The following LRRC4C variants were observed in gnomAD, a reference collection of about 807,000 sequenced individuals.
LRRC4C encodes leucine rich repeat containing 4C, also known as leucine-rich repeat-containing protein 4C.
Under a neutral mutation model 33.6 loss-of-function variants are expected in LRRC4C, and 5 were observed. That is an observed-to-expected ratio of 0.15 (90% CI 0.08 to 0.31). The LOEUF is 0.31. Among genes scored for constraint, LRRC4C ranks in the 10% least tolerant of loss-of-function variants. The pLI, the probability that LRRC4C is intolerant of heterozygous loss-of-function variation, is 1.00. For synonymous variants in LRRC4C, 329 were observed against 302.0 expected, an observed-to-expected ratio of 1.09 and a Z score of -0.93; for missense variants, 560 against 796.7, an observed-to-expected ratio of 0.70 and a Z score of 3.58.
At chr11:40,612,881 T>C (rs1181329451) in intron 3 of LRRC4C, among the ~76,000 whole-genome samples, 1 of 151,960 alleles carries the variant, frequency 6.6e-6, no homozygotes, top group Admixed American at 6.6e-5. Flanking sequence ...AATTTTGTTT[T>C]GGTTTCTCAG....
chr11:40,897,208 G>A (rs1955986688), intron 2 of LRRC4C, among the ~76,000 whole-genome samples: 1 of 151,934 alleles, frequency 6.6e-6, no homozygotes, highest in African/African-American at 2.4e-5. Context: ...AGAATACTCA[G>A]TATCCTTAGA....
chr11:41,232,253 C>T (rs1192842608), intron 1 of LRRC4C, among the ~76,000 whole-genome samples: 2 of 152,050 alleles, frequency 1.3e-5, no homozygotes, highest in Non-Finnish European at 2.9e-5. Flanking sequence ...GTCTAACACT[C>T]TGAGACTATG....
At chr11:40,440,849 C>T (rs1472541746) in intron 3 of LRRC4C, among the ~76,000 whole-genome samples, 1 of 133,870 alleles carries the variant, frequency 7.5e-6, no homozygotes, top group Non-Finnish European at 1.6e-5. Flanking sequence ...CAGCTGCAAT[C>T]TCTTAGCCAG....
At chr11:40,165,770 A>C (rs1859538558) in intron 5 of LRRC4C, among the ~76,000 whole-genome samples, 2 of 152,126 alleles carry the variant, frequency 1.3e-5, no homozygotes, top group African/African-American at 4.8e-5. Context: ...ACATGGAGGA[A>C]CCCTGTCTCT....
intron 1 of LRRC4C, among the ~76,000 whole-genome samples, chr11:41,407,292 G>T (rs1197739320): frequency 6.7e-6 from 1 of 149,138 alleles, no homozygotes. Flanking sequence ...GATTAACATT[G>T]AATTTTTCCT....
At chr11:40,266,620 C>G (rs1016259935) in intron 4 of LRRC4C, among the ~76,000 whole-genome samples, 6 of 152,058 alleles carry the variant, frequency 3.9e-5, no homozygotes, top group South Asian at 2.1e-4. Flanking sequence ...ACTTAAAGCA[C>G]TGCTTTAAGT....
intron 1 of LRRC4C, among the ~76,000 whole-genome samples, chr11:40,955,901 T>A (rs944413801): frequency 2.0e-5 from 3 of 151,820 alleles, no homozygotes; most frequent in Admixed American, 2.0e-4. Context: ...ACAAATTGCT[T>A]TGTTCAGTGA....
rs1447426841 is a variant in LRRC4C, at chr11:40,433,463, C to T, written c.-269-113742G>A. Reference sequence around the variant, plus strand: ...AATGGAAGTGCCAAGGAGAGTATTTCAGAGCCTGTAGTTCATAAATCTTAA... The same window carrying T: ...AATGGAAGTGCCAAGGAGAGTATTTTAGAGCCTGTAGTTCATAAATCTTAA... On this transcript the variant is annotated intron_variant, in intron 3 of 6. Transcript: ENST00000528697. Among the ~76,000 whole-genome samples, 4 of 151,898 alleles carry T rather than the reference C, an allele frequency of 2.6e-5. No individual in the cohort carries two copies. The East Asian group carries it at 5.8e-4, about 22-fold the overall frequency.
chr11:41,155,015 C>T (rs1289822410), intron 1 of LRRC4C, among the ~76,000 whole-genome samples: 2 of 152,064 alleles, frequency 1.3e-5, no homozygotes, highest in African/African-American at 4.8e-5. Flanking sequence ...GAGGTGGCAA[C>T]AATTATTTAA....
chr11:40,893,305 A>C (rs776494966), intron 2 of LRRC4C, among the ~76,000 whole-genome samples: 4 of 152,132 alleles, frequency 2.6e-5, no homozygotes, highest in Admixed American at 2.6e-4. Flanking sequence ...AATACCATCT[A>C]GTATTTCATA....
intron 1 of LRRC4C, among the ~76,000 whole-genome samples, chr11:41,175,051 A>T (rs1233827026): frequency 6.6e-6 from 1 of 151,986 alleles, no homozygotes; most frequent in Admixed American, 6.6e-5. Context: ...GGTTCTGCTG[A>T]TCAAATACAT....
chr11:41,170,958 C>T (rs1332171449), intron 1 of LRRC4C, among the ~76,000 whole-genome samples: 5 of 152,074 alleles, frequency 3.3e-5, no homozygotes, highest in Non-Finnish European at 5.9e-5. Flanking sequence ...TGAACAGACA[C>T]TTCTCAAAAG....
intron 2 of LRRC4C, among the ~76,000 whole-genome samples, chr11:40,926,571 A>G (rs940418370): frequency 2.6e-5 from 4 of 152,214 alleles, no homozygotes; most frequent in African/African-American, 7.2e-5. Flanking sequence ...CTAATATTTT[A>G]ATTTGGTAAA....
At chr11:40,996,361 TA>T (rs5791411) in intron 1 of LRRC4C, among the ~76,000 whole-genome samples, 3,242 of 151,774 alleles carry the variant, frequency 0.021, 132 homozygotes, top group African/African-American at 0.075. Context: ...TTCACTGCCT[TA>T]AAAAAAATAA....
chr11:40,975,949 A>C (rs1460681371), intron 1 of LRRC4C, among the ~76,000 whole-genome samples: 1 of 152,212 alleles, frequency 6.6e-6, no homozygotes, highest in African/African-American at 2.4e-5. Flanking sequence ...GTGTCTCATC[A>C]GGCATAGCCT....
chr11:41,073,095 C>G (rs1938832226), intron 1 of LRRC4C, among the ~76,000 whole-genome samples: 1 of 152,068 alleles, frequency 6.6e-6, no homozygotes, highest in African/African-American at 2.4e-5. Context: ...GCAGAAATAC[C>G]TTTAACTTGC....
At chr11:40,966,282 A>G (rs1401377179) in intron 1 of LRRC4C, among the ~76,000 whole-genome samples, 2 of 152,004 alleles carry the variant, frequency 1.3e-5, no homozygotes, top group East Asian at 1.9e-4. Context: ...AAAAATAAGT[A>G]GAAAGTCATT....
At chr11:40,929,766 T>A (rs1489942497) in intron 2 of LRRC4C, among the ~76,000 whole-genome samples, 2 of 152,122 alleles carry the variant, frequency 1.3e-5, no homozygotes, top group Non-Finnish European at 2.9e-5. Flanking sequence ...AATTCTTAAA[T>A]GTAATTCAGT....
At chr11:40,300,508 C>T (rs1402596179) in intron 4 of LRRC4C, among the ~76,000 whole-genome samples, 2 of 152,196 alleles carry the variant, frequency 1.3e-5, no homozygotes, top group Non-Finnish European at 2.9e-5. Flanking sequence ...CTATTAGATG[C>T]CATGTACAGA....
Sources: allele counts gnomAD v4.1 joint callset (sites outside exome capture counted in the v4.1 genomes callset), GRCh38; gene constraint gnomAD v4.1.1; transcripts MANE v1.5; gene names NCBI Gene and HGNC (gene_info 2026-07-23, HGNC 2026-07-21).